KIAA1217: variants seen among roughly 807,000 people sequenced by gnomAD.
KIAA1217 encodes the protein sickle tail protein homolog.
KIAA1217 carries 88 observed loss-of-function variants against 163.9 expected under a neutral mutation model. The ratio of observed to expected loss-of-function variants is 0.54; its 90% CI spans 0.45 to 0.64. The LOEUF is 0.64. Among genes scored for constraint, KIAA1217 ranks in the 30% least tolerant of loss-of-function variants. The probability of loss-of-function intolerance (pLI) is 0.00; values close to 1 mark genes in which losing one functional copy is unlikely to be tolerated. For synonymous variants in KIAA1217, 903 were observed against 923.1 expected (o/e 0.98, Z 0.39); for missense variants, 2,372 against 2,475.0 (o/e 0.96, Z 0.88).
In KIAA1217 at chr10:24,392,679, A is replaced by G. The variant is rs74941808; in HGVS notation, c.553+11612A>G. ...ATTCCAAAATTTTTAATATGTTCCA[A>G]TAATACCAGCTACTACTCTACACTT... On this transcript the variant is annotated intron_variant, in intron 3 of 20. Coordinates refer to ENST00000376454, the MANE Select transcript of KIAA1217 (RefSeq NM_019590.5). Among the ~76,000 whole-genome samples the G allele has an allele frequency of 9.5e-3, 1,440 of 152,302 alleles. 48 individuals are homozygous for G. In the East Asian group the frequency reaches 0.1, roughly 11 times the overall value.
chr10:23,707,223 A>G (rs567644494), intron 1 of KIAA1217, among the ~76,000 whole-genome samples: 1 of 152,148 alleles, frequency 6.6e-6, no homozygotes, highest in South Asian at 2.1e-4. Flanking sequence ...AGCATATAAT[A>G]TAGGGGTTTG....
At chr10:23,969,264 G>A (rs951902792) in intron 1 of KIAA1217, among the ~76,000 whole-genome samples, 1 of 152,146 alleles carries the variant, frequency 6.6e-6, no homozygotes, top group Non-Finnish European at 1.5e-5. Flanking sequence ...TTAAACTCCC[G>A]ACCTTTGGTC....
intron 2 of KIAA1217, among the ~76,000 whole-genome samples, chr10:24,257,846 C>T (rs572088222): frequency 2.0e-5 from 3 of 152,130 alleles, no homozygotes; most frequent in Non-Finnish European, 4.4e-5. Context: ...GACTTGGGCA[C>T]CCATCCTGAT....
chr10:24,133,070 G>GA lies in KIAA1217; in HGVS notation c.-170-86543dup, dbSNP rs554008655. Among the ~76,000 whole-genome samples the GA allele has an allele frequency of 4.6e-3, 636 of 138,014 alleles. 3 individuals are homozygous for GA. Among genetic ancestry groups the GA allele is most frequent in the African/African-American group, 0.011 (401 of 37,824 alleles). The allele number at this position is 138,014 out of a possible 152,430, so 90.5% of individuals were successfully genotyped here. A position where few individuals can be genotyped will look rare whatever the true frequency, so the allele number is the denominator to read the frequency against. ...GATGCATCTAATATGGCCACTGAGA[G>GA]AAAAAAAAAAAAATGGAACCTCAGG... On this transcript the variant is annotated intron_variant, in intron 2 of 18. Coordinates refer to the KIAA1217 transcript ENST00000376462.
At chr10:24,019,883 G>T (rs930297200) in intron 2 of KIAA1217, among the ~76,000 whole-genome samples, 2 of 151,970 alleles carry the variant, frequency 1.3e-5, no homozygotes, top group Non-Finnish European at 2.9e-5. Flanking sequence ...TAATGGCTGA[G>T]AATTTTTCAG....
chr10:24,135,907 A>T (rs1294392000), intron 2 of KIAA1217, among the ~76,000 whole-genome samples: 2 of 152,226 alleles, frequency 1.3e-5, no homozygotes, highest in Non-Finnish European at 2.9e-5. Flanking sequence ...GTCTCTGGGC[A>T]TTCTGTATAG....
chr10:24,067,785 C>T (rs1384795078), intron 2 of KIAA1217, among the ~76,000 whole-genome samples: 1 of 152,246 alleles, frequency 6.6e-6, no homozygotes, highest in Non-Finnish European at 1.5e-5. Flanking sequence ...CTGTGGTGGG[C>T]TCCACCCAGT....
chr10:24,529,135 T>C (rs924984172), intron 14 of KIAA1217, among the ~76,000 whole-genome samples: 1 of 152,214 alleles, frequency 6.6e-6, no homozygotes. Context: ...TTGACTTGCA[T>C]GTTGAGAAAC....
intron 2 of KIAA1217, among the ~76,000 whole-genome samples, chr10:24,072,870 G>A (rs2061235077): frequency 6.6e-6 from 1 of 151,944 alleles, no homozygotes; most frequent in Non-Finnish European, 1.5e-5. Flanking sequence ...TGCAGCCTGG[G>A]CAACCTGGTG....
chr10:24,041,329 A>G (rs1443623577), intron 2 of KIAA1217, among the ~76,000 whole-genome samples: 2 of 152,224 alleles, frequency 1.3e-5, no homozygotes, highest in African/African-American at 4.8e-5. Context: ...TATGTGCTAC[A>G]TGTTCAATTG....
intron 1 of KIAA1217, among the ~76,000 whole-genome samples, chr10:23,909,244 G>A (rs1842318983): frequency 6.6e-6 from 1 of 152,012 alleles, no homozygotes; most frequent in Non-Finnish European, 1.5e-5. Flanking sequence ...ACTACAAATT[G>A]GGTGCAGTGT....
At chr10:24,011,664 A>G (rs1564609518) in intron 2 of KIAA1217, among the ~76,000 whole-genome samples, 1 of 152,152 alleles carries the variant, frequency 6.6e-6, no homozygotes, top group African/African-American at 2.4e-5. Flanking sequence ...GGGAAAATGG[A>G]ACTCTCAACT....
intron 1 of KIAA1217, among the ~76,000 whole-genome samples, chr10:23,808,717 A>G (rs1165537601): frequency 6.6e-6 from 1 of 152,114 alleles, no homozygotes; most frequent in Non-Finnish European, 1.5e-5. Flanking sequence ...ATGTCTAATA[A>G]AACTGTCAGA....
chr10:23,824,486 A>G (rs557310471), intron 1 of KIAA1217, among the ~76,000 whole-genome samples: 41,515 of 145,218 alleles, frequency 0.29, 7,070 homozygotes, highest in African/African-American at 0.44. Flanking sequence ...AAATTAGCTC[A>G]GCATGGTGAC....
chr10:23,818,012 C>T lies in KIAA1217; in HGVS notation c.-321+122778C>T, dbSNP rs1466622204. Among the ~76,000 whole-genome samples, 24 of 114,788 alleles carry T rather than the reference C, an allele frequency of 2.1e-4. 2 individuals carry two copies. Among genetic ancestry groups the T allele is most frequent in the African/African-American group, 8.5e-4 (22 of 25,808 alleles). 75.3% of individuals were successfully genotyped at this position (114,788 alleles called of 152,430 possible). ...ATATATATATATATATATATATACA[C>T]ACATATATATACACACATATATATA... On this transcript the variant is annotated intron_variant, in intron 1 of 18. Transcript: ENST00000376462.
intron 1 of KIAA1217, among the ~76,000 whole-genome samples, chr10:23,799,137 T>C (rs1162600728): frequency 6.6e-6 from 1 of 152,180 alleles, no homozygotes; most frequent in Non-Finnish European, 1.5e-5. Flanking sequence ...TCTCCCTGTA[T>C]GTGGCAGTCT....
intron 1 of KIAA1217, among the ~76,000 whole-genome samples, chr10:23,883,356 G>A (rs1841034567): frequency 6.6e-6 from 1 of 151,684 alleles, no homozygotes; most frequent in African/African-American, 2.4e-5. Context: ...GGATGCAAGT[G>A]AGCTATTTTT....
chr10:24,150,041 G>T lies in KIAA1217; in HGVS notation c.-170-69585G>T, dbSNP rs148647713. On this transcript the variant is annotated intron_variant, in intron 2 of 18. Coordinates refer to the KIAA1217 transcript ENST00000376462. ...TTTTCTTTTTCTTTTTTTTGAGATG[G>T]AGTTAAACTTTTGTTGCCCAGCGTA... Among the ~76,000 whole-genome samples the T allele has an allele frequency of 3.2e-3, 491 of 152,042 alleles. 2 individuals are homozygous for T. The highest frequency in any genetic ancestry group is 0.011 in the African/African-American group (470 of 41,504).
chr10:24,177,379 A>G (rs189054661), intron 2 of KIAA1217, among the ~76,000 whole-genome samples: 2,628 of 144,280 alleles, frequency 0.018, 30 homozygotes, highest in Middle Eastern at 0.062. Flanking sequence ...ATATATATAT[A>G]TGTGTGTGTC....
Sources: gnomAD v4.1 joint callset for allele counts (sites outside exome capture counted in the v4.1 genomes callset) on GRCh38, gnomAD v4.1.1 for gene constraint, MANE v1.5 for transcripts, NCBI Gene and HGNC (gene_info 2026-07-23, HGNC 2026-07-21) for gene names.